Variants in NECAB1 observed in about 807,000 individuals in gnomAD.
The protein encoded by NECAB1 is N-terminal EF-hand calcium binding protein 1, also known as N-terminal EF-hand calcium-binding protein 1.
In NECAB1, 29 loss-of-function variants were observed where a neutral mutation model predicts 57.5. The ratio of observed to expected loss-of-function variants is 0.50; its 90% CI spans 0.38 to 0.69. The LOEUF is 0.69. NECAB1 is among the 30% of genes least tolerant of loss of function. NECAB1 has a pLI of 0.00. For synonymous variants in NECAB1, 142 were observed against 147.7 expected (o/e 0.96, Z 0.28); for missense variants, 372 against 413.8 (o/e 0.90, Z 0.88).
At chr8:90,879,994 T>C (rs1808807948) in intron 4 of NECAB1, among the ~76,000 whole-genome samples, 1 of 152,212 alleles carries the variant, frequency 6.6e-6, no homozygotes, top group Admixed American at 6.5e-5. Context: ...TGTGTTTATT[T>C]TCTTCTCAAA....
chr8:90,878,968 G>GTC (rs59718423), intron 4 of NECAB1, among the ~76,000 whole-genome samples: 23 of 141,104 alleles, frequency 1.6e-4, no homozygotes, highest in African/African-American at 2.4e-4. Context: ...ACTAATCACT[G>GTC]TCTCTCTCTC....
chr8:90,870,425 G>A (rs952702258), intron 3 of NECAB1, among the ~76,000 whole-genome samples: 1 of 152,064 alleles, frequency 6.6e-6, no homozygotes, highest in African/African-American at 2.4e-5. Context: ...TTATTATCTA[G>A]TTCCATTCTC....
intron 10 of NECAB1, among the ~76,000 whole-genome samples, chr8:90,947,514 C>T (rs563421058): frequency 6.6e-6 from 1 of 151,996 alleles, no homozygotes; most frequent in South Asian, 2.1e-4. Context: ...GATTCTCCTG[C>T]CTCAGCCTCC....
At chr8:90,831,957 CA>C (rs1812304287) in intron 3 of NECAB1, among the ~76,000 whole-genome samples, 1 of 152,014 alleles carries the variant, frequency 6.6e-6, no homozygotes, top group Non-Finnish European at 1.5e-5. Flanking sequence ...TGCTTTTTAC[CA>C]CATTTTTAGA....
At chr8:90,926,099 G>C (rs541251407) in intron 7 of NECAB1, among the ~76,000 whole-genome samples, 17 of 152,104 alleles carry the variant, frequency 1.1e-4, no homozygotes, top group Admixed American at 3.3e-4. Context: ...TTTGTAATGT[G>C]ATATAAGATT....
intron 2 of NECAB1, among the ~76,000 whole-genome samples, chr8:90,817,336 G>A (rs1812075888): frequency 6.6e-6 from 1 of 151,474 alleles, no homozygotes; most frequent in Admixed American, 6.6e-5. Flanking sequence ...GCAGCAGGTA[G>A]GACTTCCTAT....
intron 5 of NECAB1, among the ~76,000 whole-genome samples, chr8:90,892,266 G>GT (rs35255444): frequency 0.13 from 20,194 of 151,946 alleles, 3,811 homozygotes; most frequent in African/African-American, 0.42. Context: ...TAATACATAG[G>GT]TTTTTTCTCT....
chr8:90,928,309 TTCTTTTCTTTATTCTC>T lies in NECAB1; in HGVS notation c.693+15_693+30del. 2 of 1,586,138 alleles carry T rather than the reference TTCTTTTCTTTATTCTC, an allele frequency of 1.3e-6. No homozygotes were observed. Among genetic ancestry groups the T allele is most frequent in the Non-Finnish European group, 1.7e-6 (2 of 1,162,074 alleles). On this transcript the variant is annotated intron_variant, in intron 8 of 12. Coordinates refer to ENST00000417640, the MANE Select transcript of NECAB1 (RefSeq NM_022351.5). ...TAGACTGGAAAAGAAGGTAGGTGCT[TTCTTTTCTTTATTCTC>T]TCTTCCACTCTTCAAGATATTGTTA...
At chr8:90,932,051 C>T (rs1011880189) in intron 8 of NECAB1, among the ~76,000 whole-genome samples, 1 of 152,112 alleles carries the variant, frequency 6.6e-6, no homozygotes, top group African/African-American at 2.4e-5. Context: ...ACAGGACATT[C>T]TCATTTGAAA....
chr8:90,797,402 C>T (rs930284199), intron 1 of NECAB1, among the ~76,000 whole-genome samples: 4 of 152,024 alleles, frequency 2.6e-5, no homozygotes, highest in African/African-American at 7.3e-5. Flanking sequence ...ACCTCATTTC[C>T]GTGAAGTTGG....
At chr8:90,900,539 G>T (rs1264427756) in intron 5 of NECAB1, among the ~76,000 whole-genome samples, 1 of 152,208 alleles carries the variant, frequency 6.6e-6, no homozygotes, top group Non-Finnish European at 1.5e-5. Context: ...CCATAACCCA[G>T]TGTAGAATCT....
chr8:90,825,400 A>G (rs80071805), intron 3 of NECAB1, among the ~76,000 whole-genome samples: 131 of 151,964 alleles, frequency 8.6e-4, no homozygotes, highest in Middle Eastern at 6.8e-3. Context: ...TTATATTCTC[A>G]CTATGCTTAA....
intron 5 of NECAB1, among the ~76,000 whole-genome samples, chr8:90,914,676 T>C (rs937987669): frequency 2.6e-5 from 4 of 152,182 alleles, no homozygotes; most frequent in Admixed American, 1.3e-4. Context: ...GATAAGAGGG[T>C]TAGCCTAATC....
intron 5 of NECAB1, among the ~76,000 whole-genome samples, chr8:90,900,772 G>A (rs777566431): frequency 6.6e-5 from 10 of 152,174 alleles, no homozygotes; most frequent in African/African-American, 2.4e-4. Context: ...CAAGATCCCT[G>A]TCAGGGTTTC....
chr8:90,844,572 T>C (rs532501122), intron 3 of NECAB1, among the ~76,000 whole-genome samples: 2 of 152,294 alleles, frequency 1.3e-5, no homozygotes, highest in Admixed American at 1.3e-4. Flanking sequence ...ACTGTCCTTA[T>C]GTCTAAACTT....
At chr8:90,848,725 C>G (rs868151027) in intron 3 of NECAB1, among the ~76,000 whole-genome samples, 3 of 152,188 alleles carry the variant, frequency 2.0e-5, no homozygotes, top group African/African-American at 7.2e-5. Flanking sequence ...TGGCTCATGT[C>G]TGTAATCCCA....
intron 8 of NECAB1, among the ~76,000 whole-genome samples, chr8:90,930,491 TAGA>T (rs1810379324): frequency 6.6e-6 from 1 of 152,142 alleles, no homozygotes; most frequent in South Asian, 2.1e-4. Context: ...AGTTAGATGT[TAGA>T]AGGAGAGAAG....
At position 90,940,739 on chromosome 8, in the gene NECAB1, G is replaced by A. The variant is rs1262867078; in HGVS notation, c.748-47G>A. ...TGGGCAGTAGGAGTCAGCTTAAATC[G>A]GGCTCCGTGACAGCCAACGCAGTGA... On this transcript the variant is annotated intron_variant, in intron 9 of 12. Transcript: ENST00000417640. The A allele has an allele frequency of 4.2e-6, 6 of 1,428,714 alleles. No individual in the cohort carries two copies. In the Admixed American group the frequency reaches 7.9e-5, roughly 19 times the overall value. The allele number at this position is 1,428,714 out of a possible 1,614,324, so 88.5% of individuals were successfully genotyped here. A position where few individuals can be genotyped will look rare whatever the true frequency, so the allele number is the denominator to read the frequency against.
intron 3 of NECAB1, among the ~76,000 whole-genome samples, chr8:90,849,626 T>C (rs537946080): frequency 1.5e-4 from 22 of 151,110 alleles, no homozygotes; most frequent in Non-Finnish European, 2.8e-4. Context: ...TTTTTAGATA[T>C]AGTATTATTA....
Sources: allele counts gnomAD v4.1 joint callset (sites outside exome capture counted in the v4.1 genomes callset), GRCh38; gene constraint gnomAD v4.1.1; transcripts MANE v1.5; gene names NCBI Gene and HGNC (gene_info 2026-07-23, HGNC 2026-07-21).